The following CDKN2B-AS1 variants were observed in gnomAD, a reference collection of about 807,000 sequenced individuals.
The protein encoded by CDKN2B-AS1 is CDKN2B and CDKN2A antisense cis and trans regulatory RNA 1.
chr9:22,058,272 A>G (rs1437925388), intron 4 of CDKN2B-AS1: 1 of 152,222 alleles, frequency 6.6e-6, no homozygotes, highest in African/African-American at 2.4e-5. Context: ...GTCTGTTCTT[A>G]CGTAATTTTC....
At chr9:22,019,112 G>T (rs753823817) in intron 1 of CDKN2B-AS1, among the ~76,000 whole-genome samples, 2 of 152,206 alleles carry the variant, frequency 1.3e-5, no homozygotes, top group Admixed American at 6.5e-5. Flanking sequence ...TGTGACTGGA[G>T]CATAGGGATG....
intron 4 of CDKN2B-AS1, among the ~76,000 whole-genome samples, chr9:22,067,801 G>T (rs1824121594): frequency 6.6e-6 from 1 of 152,110 alleles, no homozygotes; most frequent in African/African-American, 2.4e-5. Flanking sequence ...TTCCAGTTCA[G>T]CAAAACACAA....
At chr9:22,008,664 G>T in intron 1 of CDKN2B-AS1, 1 of 1,605,906 alleles carries the variant, frequency 6.2e-7, no homozygotes, top group South Asian at 1.1e-5. Flanking sequence ...TTTTACGCGT[G>T]GAATGCACAC....
At chr9:22,008,970 G>T in intron 1 of CDKN2B-AS1, 3 of 1,613,226 alleles carry the variant, frequency 1.9e-6, no homozygotes, top group Non-Finnish European at 2.5e-6. Flanking sequence ...GCCCCCAGAC[G>T]CGCAGCGGCC....
At chr9:22,010,151 T>A (rs1821426057) in intron 1 of CDKN2B-AS1, among the ~76,000 whole-genome samples, 1 of 152,188 alleles carries the variant, frequency 6.6e-6, no homozygotes, top group Non-Finnish European at 1.5e-5. Flanking sequence ...TGAAACATCA[T>A]AAGAGAGGGG....
At chr9:22,122,475 C>G (rs1043810088) in intron 4 of CDKN2B-AS1, among the ~76,000 whole-genome samples, 2 of 152,046 alleles carry the variant, frequency 1.3e-5, no homozygotes, top group African/African-American at 4.8e-5. Context: ...TTTGCCCAGA[C>G]CAAGGTCCTG....
intron 4 of CDKN2B-AS1, among the ~76,000 whole-genome samples, chr9:22,127,001 C>T (rs1215964110): frequency 6.6e-6 from 1 of 152,202 alleles, no homozygotes; most frequent in East Asian, 1.9e-4. Flanking sequence ...TCTCTTTTAC[C>T]TAAAAACAAA....
intron 1 of CDKN2B-AS1, among the ~76,000 whole-genome samples, chr9:22,037,072 T>A (rs35975148): frequency 0.066 from 10,085 of 152,136 alleles, 451 homozygotes; most frequent in Non-Finnish European, 0.099. Context: ...ATGGCAAGGA[T>A]CATGCATGCC....
At chr9:22,105,888 G>C (rs1825641401) in intron 4 of CDKN2B-AS1, among the ~76,000 whole-genome samples, 1 of 152,170 alleles carries the variant, frequency 6.6e-6, no homozygotes, top group Non-Finnish European at 1.5e-5. Context: ...GGGTTACTTT[G>C]GTTAAGTTGT....
At chr9:22,035,201 C>G (rs1822639496) in intron 1 of CDKN2B-AS1, among the ~76,000 whole-genome samples, 1 of 151,880 alleles carries the variant, frequency 6.6e-6, no homozygotes, top group African/African-American at 2.4e-5. Context: ...AAAATAAGTG[C>G]TGCTGAGGGC....
At chr9:22,101,916 C>T (rs555156622) in intron 4 of CDKN2B-AS1, among the ~76,000 whole-genome samples, 4 of 152,210 alleles carry the variant, frequency 2.6e-5, no homozygotes, top group South Asian at 2.1e-4. Context: ...GTTCTTGGTT[C>T]GGTCATGAAC....
At chr9:22,081,268 T>C (rs1003125697) in intron 4 of CDKN2B-AS1, among the ~76,000 whole-genome samples, 16 of 141,026 alleles carry the variant, frequency 1.1e-4, no homozygotes, top group African/African-American at 4.2e-4. Flanking sequence ...GATATTTTGT[T>C]CTTTAGCTTT....
At chr9:22,110,663 A>G (rs770063864) in intron 4 of CDKN2B-AS1, among the ~76,000 whole-genome samples, 9 of 152,120 alleles carry the variant, frequency 5.9e-5, no homozygotes, top group Non-Finnish European at 1.3e-4. Flanking sequence ...AAGTGCGTAA[A>G]CCATGTATCT....
chr9:22,074,390 G>A (rs1465040397), intron 4 of CDKN2B-AS1, among the ~76,000 whole-genome samples: 1 of 152,074 alleles, frequency 6.6e-6, no homozygotes, highest in Admixed American at 6.6e-5. Context: ...TTGGTTTAAG[G>A]GGGATTATAA....
chr9:22,089,436 A>G (rs1277243265), intron 4 of CDKN2B-AS1, among the ~76,000 whole-genome samples: 1 of 152,022 alleles, frequency 6.6e-6, no homozygotes, highest in African/African-American at 2.4e-5. Flanking sequence ...AAAACTTACT[A>G]AACTTTTTTT....
intron 1 of CDKN2B-AS1, among the ~76,000 whole-genome samples, chr9:22,041,179 C>G (rs542102330): frequency 6.6e-6 from 1 of 151,948 alleles, no homozygotes; most frequent in South Asian, 2.1e-4. Context: ...AAGTGGTGTC[C>G]TTTAATGCAA....
chr9:22,071,360 C>T (rs751833089), intron 4 of CDKN2B-AS1, among the ~76,000 whole-genome samples: 11 of 129,730 alleles, frequency 8.5e-5, no homozygotes, highest in Admixed American at 5.5e-4. Flanking sequence ...AGTGCAGTTG[C>T]GCGATCTTGG....
intron 1 of CDKN2B-AS1, chr9:22,004,481 C>A: frequency 4.3e-6 from 1 of 232,570 alleles, no homozygotes; most frequent in East Asian, 6.1e-5. Flanking sequence ...AGAAGGGAAC[C>A]CCTGTGAACC....
rs78789397 is a variant in CDKN2B-AS1 at position 22,082,095 on chromosome 9, A to G, written n.438+25708A>G. ...ATGACATCTCTTTAAACTGGTCCCCAGTTCACTTGTTTTCCCTAACATTTT... is the reference window on the plus strand; with the variant it reads ...ATGACATCTCTTTAAACTGGTCCCCGGTTCACTTGTTTTCCCTAACATTTT... On this transcript the variant is annotated intron_variant and non_coding_transcript_variant, in intron 4 of 4. Coordinates refer to ENST00000650946, the Ensembl canonical transcript of CDKN2B-AS1. Among the ~76,000 whole-genome samples the G allele has an allele frequency of 8.7e-3, 1,326 of 152,312 alleles. 98 individuals carry two copies. In the East Asian group the frequency reaches 0.18, roughly 20 times the overall value.
Sources: allele counts gnomAD v4.1 joint callset (sites outside exome capture counted in the v4.1 genomes callset), GRCh38; gene constraint gnomAD v4.1.1; transcripts MANE v1.5; gene names NCBI Gene and HGNC (gene_info 2026-07-23, HGNC 2026-07-21).